Variants in NACC1 observed in about 807,000 individuals in gnomAD.
NACC1 encodes the protein nucleus accumbens-associated protein 1.
In NACC1, 6 loss-of-function variants were observed where a neutral mutation model predicts 41.7. The observed-to-expected ratio is 0.14, with a 90% CI of 0.08 to 0.28. NACC1 has a LOEUF of 0.28. NACC1 is among the 10% of genes least tolerant of loss of function. The pLI is 1.00. For synonymous variants in NACC1, 338 were observed against 330.6 expected (o/e 1.02, Z -0.24); for missense variants, 434 against 763.7 (o/e 0.57, Z 5.09).
Position 13,135,625 on chromosome 19 carries a change from T to C in NACC1, c.418T>C (p.Ser140Pro). 2 of 1,576,114 alleles carry C rather than the reference T, an allele frequency of 1.3e-6. No individual in the cohort carries two copies. The highest frequency in any genetic ancestry group is 1.7e-6 in the Non-Finnish European group (2 of 1,164,266). ...GGGCCTGCATGCGGAGGAGGCCCCA[T>C]CGTCGGAGCCCCAGAGCCCCGTGGC... is the stretch of plus-strand genomic sequence containing the variant. The part of the protein sequence containing the change: ...SQGLHAEEAP[S>P]SEPQSPVAQT... Residue 140 changes from serine (S) to proline (P), a missense_variant, in exon 2 of 6, where the codon TCG becomes CCG. Ser to Pro is a moderately conservative substitution (Grantham distance 74). Coordinates refer to ENST00000292431, the MANE Select transcript of NACC1 (RefSeq NM_052876.4).
chr19:13,138,659 C>G lies in NACC1; in HGVS notation c.*253C>G. ...CTCGTGCAGTGGGGGAGTTCTGGCTCCCCAACCTAACCCCTAGCCGTCATC... is the reference window on the plus strand; with the variant it reads ...CTCGTGCAGTGGGGGAGTTCTGGCTGCCCAACCTAACCCCTAGCCGTCATC... On this transcript the variant is annotated 3_prime_UTR_variant, in exon 6 of 6. Transcript: ENST00000292431. This position sits in a 1 kb window ranked among gnomAD's most constrained non-coding sequence, Gnocchi z 5.7. 1.8e-6 allele frequency: 1 copy of G among 557,694 alleles called. No individual in the cohort carries two copies. The highest frequency in any genetic ancestry group is 3.2e-6 in the Non-Finnish European group (1 of 312,008). 34.5% of individuals were successfully genotyped at this position (557,694 alleles called of 1,614,324 possible). A position where few individuals can be genotyped will look rare whatever the true frequency, so the allele number is the denominator to read the frequency against.
At chr19:13,124,081 G>A (rs1054816043) in intron 1 of NACC1, among the ~76,000 whole-genome samples, 7 of 152,090 alleles carry the variant, frequency 4.6e-5, no homozygotes, top group South Asian at 2.1e-4. Context: ...AAGAGATAAC[G>A]AATTAAATCT....
intron 1 of NACC1, among the ~76,000 whole-genome samples, chr19:13,127,371 CTTT>C (rs147514422): frequency 0.013 from 361 of 28,468 alleles, no homozygotes; most frequent in African/African-American, 0.026. Context: ...TATACATATA[CTTT>C]TTTTTTTTTT....
At position 13,138,766 on chromosome 19, in the gene NACC1, G is replaced by T. The variant is rs925244345; in HGVS notation, c.*360G>T. ...CCCTCCCCAGGCCCTAGGCCACCTC[G>T]CGGAAGCCTTCAGCCTCCGCCCCTC... is the stretch of plus-strand genomic sequence containing the variant. On this transcript the variant is annotated 3_prime_UTR_variant, in exon 6 of 6. Transcript: ENST00000292431. The surrounding 1 kb of genome is among the most constrained non-coding windows in gnomAD (Gnocchi z 5.7). 3 of 279,656 alleles carry T rather than the reference G, an allele frequency of 1.1e-5. No individual in the cohort carries two copies. The highest frequency in any genetic ancestry group is 1.6e-4 in the East Asian group (2 of 12,464). The allele number at this position is 279,656 out of a possible 1,614,324, so 17.3% of individuals were successfully genotyped here. A position where few individuals can be genotyped will look rare whatever the true frequency, so the allele number is the denominator to read the frequency against.
At position 13,120,374 on chromosome 19, in the gene NACC1, T is replaced by C. The variant is rs548052882; in HGVS notation, c.-9+1920T>C. On this transcript the variant is annotated intron_variant, in intron 1 of 5. Transcript: ENST00000292431. ...CAGCTTTTGTTCCTTTCTGGGCTAA[T>C]TGCAAGGCTGTTACCAGGGTGTCCT... Among the ~76,000 whole-genome samples, 23 of 152,328 alleles carry C rather than the reference T, an allele frequency of 1.5e-4. 1 individual carries two copies. The highest frequency in any genetic ancestry group is 4.8e-4 in the African/African-American group (20 of 41,582).
At chr19:13,120,745 A>G (rs1294068875) in intron 1 of NACC1, among the ~76,000 whole-genome samples, 1 of 152,244 alleles carries the variant, frequency 6.6e-6, no homozygotes, top group African/African-American at 2.4e-5. Flanking sequence ...TGGTGGTACC[A>G]TCCAGTCACT....
intron 1 of NACC1, among the ~76,000 whole-genome samples, chr19:13,130,923 C>T (rs61678219): frequency 0.021 from 3,171 of 152,236 alleles, 123 homozygotes; most frequent in African/African-American, 0.073. Context: ...CCCACCTGTC[C>T]CATACCCTTC....
intron 1 of NACC1, chr19:13,131,670 T>G (rs1049140338): frequency 2.0e-5 from 3 of 152,166 alleles, no homozygotes; most frequent in African/African-American, 7.2e-5. Flanking sequence ...TTTGGGGTTT[T>G]GTTTTGTTTT....
Position 13,138,410 on chromosome 19 carries a change from G to A in NACC1, c.*4G>A, listed in dbSNP as rs375584762. 33 of 1,608,378 alleles carry A rather than the reference G, an allele frequency of 2.1e-5. No homozygotes were observed. The highest frequency in any genetic ancestry group is 4.0e-5 in the African/African-American group (3 of 74,852). ...CTCGGCTGAAGCCCTGCAGTAACCC[G>A]CCCAGCCTCCCGCGGGGCCACACAC... On this transcript the variant is annotated 3_prime_UTR_variant, in exon 6 of 6. Coordinates refer to ENST00000292431, the MANE Select transcript of NACC1 (RefSeq NM_052876.4). The surrounding 1 kb of genome is among the most constrained non-coding windows in gnomAD (Gnocchi z 5.7).
Position 13,135,793 on chromosome 19 carries a change from G to A in NACC1, c.586G>A (p.Gly196Ser), listed in dbSNP as rs1018513658. The A allele has an allele frequency of 5.8e-6, 9 of 1,555,860 alleles. No homozygotes were observed. Among genetic ancestry groups the A allele is most frequent in the Non-Finnish European group, 7.8e-6 (9 of 1,151,600 alleles). The change falls in exon 2 of 6, where the codon GGC becomes AGC. Residue 196 changes from glycine to serine, a missense_variant. Gly to Ser is a moderately conservative substitution (Grantham distance 56). Transcript: ENST00000292431. ...WDSGQKEAGG[G>S]GNGSRKMAKF... ...CAGTGGCCAGAAGGAGGCTGGGGGC[G>A]GCGGCAATGGCAGCCGCAAGATGGC...
intron 1 of NACC1, among the ~76,000 whole-genome samples, chr19:13,130,562 G>C (rs550171418): frequency 3.2e-4 from 44 of 136,972 alleles, no homozygotes; most frequent in Non-Finnish European, 6.3e-4. Flanking sequence ...TTGAGATGGA[G>C]TATCACTCTG....
In NACC1 at chr19:13,135,726, G is replaced by A. The variant is rs902911861; in HGVS notation, c.519G>A (p.Ser173=). 7.7e-6 allele frequency: 12 copies of A among 1,556,122 alleles called. 1 individual carries two copies. Among genetic ancestry groups the A allele is most frequent in the South Asian group, 5.9e-5 (5 of 84,892 alleles). The change falls in exon 2 of 6, where the codon TCG becomes TCA. Residue 173 remains serine, a synonymous_variant. Transcript: ENST00000292431. ...GGGTGAAGACGGAGCAGCAGGAGTC[G>A]GACTCCGTGCAGTGCATGCCCGTGG... ...VSRVKTEQQE[S]DSVQCMPVAK...
In NACC1 at chr19:13,136,006, T is replaced by TGAGG. The variant is rs2019700953; in HGVS notation, c.799_800insGAGG (p.Ser267Ter). 6.2e-7 allele frequency: 1 copy of TGAGG among 1,613,094 alleles called. No individual in the cohort carries two copies. Among genetic ancestry groups the TGAGG allele is most frequent in the Non-Finnish European group, 8.5e-7 (1 of 1,179,766 alleles). On this transcript the variant is annotated stop_gained and frameshift_variant, in exon 2 of 6. Transcript: ENST00000292431. LOFTEE classifies it high-confidence loss of function. This position sits in a 1 kb window ranked among gnomAD's most constrained non-coding sequence, Gnocchi z 5.5. ...GTCGGAGCGGACCAGCCCAGGCACC[T>TGAGG]CAAGCGCCTACACCAGCGACAGCCC...
At chr19:13,127,372 T>G (rs1415183246) in intron 1 of NACC1, among the ~76,000 whole-genome samples, 1 of 21,442 alleles carries the variant, frequency 4.7e-5, no homozygotes, top group Non-Finnish European at 1.1e-4. Context: ...ATACATATAC[T>G]TTTTTTTTTT....
At chr19:13,123,437 G>A (rs1280470675) in intron 1 of NACC1, among the ~76,000 whole-genome samples, 1 of 152,188 alleles carries the variant, frequency 6.6e-6, no homozygotes, top group South Asian at 2.1e-4. Flanking sequence ...AGGGCTGCGA[G>A]GAGGAGCGAG....
chr19:13,131,783 G>C (rs2019636965), intron 1 of NACC1: 1 of 152,198 alleles, frequency 6.6e-6, no homozygotes, highest in African/African-American at 2.4e-5. Flanking sequence ...GCAGACCCTG[G>C]TTTGAATCTT....
At chr19:13,122,523 C>CGGGG (rs79172329) in intron 1 of NACC1, among the ~76,000 whole-genome samples, 2 of 76,890 alleles carry the variant, frequency 2.6e-5, no homozygotes, top group African/African-American at 9.4e-5. Context: ...TTGCCCCTGC[C>CGGGG]GGGGGGGGGG....
intron 1 of NACC1, among the ~76,000 whole-genome samples, chr19:13,120,982 C>T (rs1032505153): frequency 6.6e-6 from 1 of 152,220 alleles, no homozygotes; most frequent in Non-Finnish European, 1.5e-5. Context: ...GCTGGGGAAG[C>T]ATCCCGGAGT....
In NACC1 at chr19:13,135,831, G is replaced by A. The variant is rs1246822122; in HGVS notation, c.624G>A (p.Thr208=). Residue 208 remains threonine (T), a synonymous_variant, in exon 2 of 6, where the codon ACG becomes ACA. Coordinates refer to ENST00000292431, the MANE Select transcript of NACC1 (RefSeq NM_052876.4). ...GCCGCAAGATGGCCAAGTTCTCCACGCCGGACCTGGCTGCCAACCGGCCTC... is the reference window on the plus strand; with the variant it reads ...GCCGCAAGATGGCCAAGTTCTCCACACCGGACCTGGCTGCCAACCGGCCTC... ...NGSRKMAKFS[T]PDLAANRPHQ... 8 of 1,552,608 alleles carry A rather than the reference G, an allele frequency of 5.2e-6. No individual in the cohort carries two copies. The highest frequency in any genetic ancestry group is 6.1e-6 in the Non-Finnish European group (7 of 1,150,736).
Sources: allele counts gnomAD v4.1 joint callset (sites outside exome capture counted in the v4.1 genomes callset), GRCh38; gene constraint gnomAD v4.1.1; non-coding constraint Gnocchi (gnomAD v3.1); transcripts MANE v1.5; gene names NCBI Gene and HGNC (gene_info 2026-07-23, HGNC 2026-07-21).